Variants in COL12A1 observed in about 807,000 individuals in gnomAD.
COL12A1 encodes collagen type XII alpha 1 chain, also known as collagen alpha-1(XII) chain.
Under a neutral mutation model 349.7 loss-of-function variants are expected in COL12A1, and 114 were observed. The observed-to-expected ratio is 0.33, with a 90% confidence interval of 0.28 to 0.38. The LOEUF (loss-of-function observed/expected upper bound fraction) is 0.38. Ranked by LOEUF, COL12A1 falls within the 10% of genes least tolerant of loss-of-function variation. The probability of loss-of-function intolerance (pLI) is 1.00; values close to 1 mark genes in which losing one functional copy is unlikely to be tolerated. For missense variants in COL12A1, 3,284 were observed against 3,756.9 expected (o/e 0.87, Z 3.29); for synonymous variants, 1,369 against 1,329.0 (o/e 1.03, Z -0.66).
intron 51 of COL12A1, 124 bp from the exon 52 acceptor site, chr6:75,109,291 A>T: frequency 1.5e-6 from 1 of 650,180 alleles, no homozygotes; most frequent in Non-Finnish European, 2.4e-6. Context: ...CAAAAGTCTT[A>T]CTCTGAAAAT....
chr6:75,178,036 C>A, intron 11 of COL12A1, 101 bp from the exon 12 acceptor site: 1 of 1,106,732 alleles, frequency 9.0e-7, no homozygotes, highest in South Asian at 1.6e-5. Context: ...TACCATTTCT[C>A]TAAAGAAATC....
At chr6:75,193,819 A>G (rs142630846) in intron 3 of COL12A1, among the ~76,000 whole-genome samples, 2 of 151,246 alleles carry the variant, frequency 1.3e-5, no homozygotes, top group Admixed American at 6.6e-5. Context: ...GAGTGAGAAC[A>G]TGCGGTGTTT....
chr6:75,146,143 A>C lies in COL12A1; in HGVS notation c.4519T>G (p.Tyr1507Asp). The change falls in exon 24 of 66, where the codon TAC (tyrosine) becomes GAC (aspartate). Residue 1507 changes from tyrosine (Y) to aspartate (D), a missense_variant. Tyr to Asp is a radical substitution (Grantham distance 160). Coordinates refer to ENST00000322507, the MANE Select transcript of COL12A1 (RefSeq NM_004370.6). Reference sequence around the variant, plus strand: ...GGCTCTGTGTCCTTAACAGGTTTGTATGACAAGATGTAGCCAGTAGCTCCT... The same window carrying C: ...GGCTCTGTGTCCTTAACAGGTTTGTCTGACAAGATGTAGCCAGTAGCTCCT... ...VGGATGYILS[Y>D]KPVKDTEPTR... 6.2e-7 allele frequency: 1 copy of C among 1,612,812 alleles called. No individual in the cohort carries two copies. Among genetic ancestry groups the C allele is most frequent in the Non-Finnish European group, 8.5e-7 (1 of 1,179,490 alleles).
chr6:75,138,719 TA>T, intron 28 of COL12A1, 102 bp downstream of exon 28: 2 of 1,565,562 alleles, frequency 1.3e-6, no homozygotes, highest in South Asian at 1.2e-5. Context: ...CAAATGTCAA[TA>T]AATGCTTATT....
rs562892044 is a variant in COL12A1, at chr6:75,151,849, G to A, written c.4000+18C>T. 237 of 1,612,226 alleles carry A rather than the reference G, an allele frequency of 1.5e-4. 2 individuals are homozygous for A. The East Asian group carries it at 5.2e-3, about 36-fold the overall frequency. On this transcript the variant is annotated intron_variant, in intron 20 of 65. Coordinates refer to ENST00000322507, the MANE Select transcript of COL12A1 (RefSeq NM_004370.6). ...CATTTGTAACCCCAGGGGCATCACT[G>A]TCCTTTTCAGTGCGTACCAATAGCA... is the stretch of plus-strand genomic sequence containing the variant.
At chr6:75,089,762 T>C (rs1170834130) in intron 63 of COL12A1, among the ~76,000 whole-genome samples, 2 of 152,190 alleles carry the variant, frequency 1.3e-5, no homozygotes, top group Admixed American at 6.5e-5. Context: ...TCTAAAACTC[T>C]AGGGCTGCCT....
At chr6:75,193,641 T>TA (rs1554189133) in intron 3 of COL12A1, among the ~76,000 whole-genome samples, 1 of 152,196 alleles carries the variant, frequency 6.6e-6, no homozygotes, top group Non-Finnish European at 1.5e-5. Flanking sequence ...GCAGGTTTGT[T>TA]ACGTATGTAT....
Position 75,109,117 on chromosome 6 carries a change from A to C in COL12A1, c.8001T>G (p.Tyr2667Ter), listed in dbSNP as rs1474558168. 6.2e-7 allele frequency: 1 copy of C among 1,605,362 alleles called. No homozygotes were observed. Among genetic ancestry groups the C allele is most frequent in the Non-Finnish European group, 8.5e-7 (1 of 1,172,992 alleles). Residue 2667 changes from tyrosine to a stop codon, truncating the protein, a stop_gained, in exon 52 of 66, where the codon TAT (tyrosine) becomes TAG (stop). Transcript: ENST00000322507. LOFTEE classifies it high-confidence loss of function. ...SKSVKIYIDC[Y>*]EIIEKDIKEA... ...CCTTGATGTCTTTTTCTATAATTTC[A>C]TAGCAGTCAATGTAAATCTTAACAC...
At position 75,189,612 on chromosome 6, in the gene COL12A1, T is replaced by C; in HGVS notation, c.598A>G (p.Arg200Gly). Residue 200 changes from arginine (R) to glycine (G), a missense_variant, in exon 6 of 66, where the codon AGG (arginine) becomes GGG (glycine). By Grantham distance (125) the Arg-to-Gly change is moderately radical. This residue lies in a region of COL12A1 where 2,601 missense variants were observed against 2,824.8 expected (regional missense o/e 0.92). Transcript: ENST00000322507. ...TTTATTGCAGCAAGAAGTTCATCCC[T>C]TTGGTAGTACTGATTTAAGTTAAAT... is the stretch of plus-strand genomic sequence containing the variant. ...TEFNLNQYYQ[R>G]DELLAAIKKI... 1 of 1,613,354 alleles carries C rather than the reference T, an allele frequency of 6.2e-7. No individual in the cohort carries two copies. Among genetic ancestry groups the C allele is most frequent in the Non-Finnish European group, 8.5e-7 (1 of 1,179,494 alleles).
intron 31 of COL12A1, among the ~76,000 whole-genome samples, chr6:75,135,993 T>C (rs1766587537): frequency 6.6e-6 from 1 of 152,164 alleles, no homozygotes; most frequent in Admixed American, 6.5e-5. Context: ...CACGGACTAG[T>C]GTTAAAATCC....
chr6:75,155,578 G>A, intron 16 of COL12A1, 84 bp downstream of exon 16: 1 of 1,338,740 alleles, frequency 7.5e-7, no homozygotes, highest in Non-Finnish European at 1.0e-6. Context: ...TGATATTTGT[G>A]TAAAGCCTAC....
chr6:75,106,904 T>C (rs1014895711), intron 52 of COL12A1, among the ~76,000 whole-genome samples: 3 of 142,064 alleles, frequency 2.1e-5, no homozygotes, highest in Non-Finnish European at 3.1e-5. Flanking sequence ...TTTTTCTTTT[T>C]TTTTTTTTTT....
Position 75,101,597 on chromosome 6 carries a change from T to C in COL12A1, c.8523+3A>G. On this transcript the variant is annotated splice_donor_region_variant and intron_variant, in intron 58 of 65. Transcript: ENST00000322507. ...TCATTGTAGCCTGCTCAAGAAAACT[T>C]ACTCTGTCTCCTGGAGGTCCCATTG... The C allele has an allele frequency of 1.2e-6, 2 of 1,613,152 alleles. No homozygotes were observed. Among genetic ancestry groups the C allele is most frequent in the Non-Finnish European group, 1.7e-6 (2 of 1,179,624 alleles).
chr6:75,129,403 A>T (rs1766188218), intron 37 of COL12A1, among the ~76,000 whole-genome samples: 1 of 152,218 alleles, frequency 6.6e-6, no homozygotes, highest in Non-Finnish European at 1.5e-5. Context: ...TTTACCATCA[A>T]CATCTTGTGC....
intron 51 of COL12A1, among the ~76,000 whole-genome samples, chr6:75,112,669 T>A (rs1768895257): frequency 6.6e-6 from 1 of 151,872 alleles, no homozygotes; most frequent in East Asian, 1.9e-4. Context: ...TAAAAATTAA[T>A]CTCATAAACA....
At position 75,117,478 on chromosome 6, in the gene COL12A1, GT is replaced by G; in HGVS notation, c.7422del (p.Lys2474AsnfsTer56). 3 of 1,613,676 alleles carry G rather than the reference GT, an allele frequency of 1.9e-6. No individual in the cohort carries two copies. Among genetic ancestry groups the G allele is most frequent in the Non-Finnish European group, 2.5e-6 (3 of 1,179,692 alleles). On this transcript the variant is annotated frameshift_variant, in exon 47 of 66. Transcript: ENST00000322507. LOFTEE classifies it high-confidence loss of function. The stretch of plus-strand genomic sequence containing the variant: ...ACAATGAACACGTGCCGTTCACTTG[GT>G]TTGCTGGCAATGTTGGCAAGCTCAT... ...DYNELANIAS[K>X]PSERHVFIVD... is the part of the protein sequence containing the mutation.
At position 75,182,003 on chromosome 6, in the gene COL12A1, C is replaced by T. The variant is rs1306649697; in HGVS notation, c.1892-792G>A. On this transcript the variant is annotated intron_variant, in intron 10 of 65. Transcript: ENST00000322507. ...TCCAGCTACTGGGTAGGCTGGGGTG[C>T]GAGAATTGCTTGAACTGGGGAGGCA... Among the ~76,000 whole-genome samples, 5 of 146,944 alleles carry T rather than the reference C, an allele frequency of 3.4e-5. No homozygotes were observed. The East Asian group carries it at 6.1e-4, about 18-fold the overall frequency.
intron 13 of COL12A1, among the ~76,000 whole-genome samples, chr6:75,173,041 G>T (rs1768720556): frequency 6.6e-6 from 1 of 152,152 alleles, no homozygotes; most frequent in Non-Finnish European, 1.5e-5. Context: ...GAGGCTTTTA[G>T]ATATCAGATC....
At chr6:75,123,222 ATAG>A (rs1765832417) in intron 43 of COL12A1, 105 bp downstream of exon 43, 2 of 999,252 alleles carry the variant, frequency 2.0e-6, no homozygotes, top group Non-Finnish European at 3.1e-6. Flanking sequence ...AGCAGCAATA[ATAG>A]ATCAGAAATG....
Sources: gnomAD v4.1 joint callset for allele counts (sites outside exome capture counted in the v4.1 genomes callset) on GRCh38, gnomAD v4.1.1 for gene constraint, gnomAD v4.1.1 regional missense constraint, MANE v1.5 for transcripts, NCBI Gene and HGNC (gene_info 2026-07-23, HGNC 2026-07-21) for gene names.